Variants in SLC6A17 observed in about 807,000 individuals in gnomAD.
SLC6A17 encodes the protein sodium-dependent neutral amino acid transporter SLC6A17.
A neutral mutation model predicts 64.5 loss-of-function variants in SLC6A17; 21 were observed. That is an observed-to-expected ratio of 0.33 (90% CI 0.23 to 0.47). The LOEUF is 0.47. Among genes scored for constraint, SLC6A17 ranks in the 20% least tolerant of loss-of-function variants. The pLI is 1.00. For synonymous variants in SLC6A17, 372 were observed against 399.5 expected (o/e 0.93, Z 0.82); for missense variants, 682 against 963.2 (o/e 0.71, Z 3.86).
chr1:110,172,109 C>T lies in SLC6A17; in HGVS notation c.336C>T (p.Pro112=), dbSNP rs774646967. Residue 112 remains proline, a synonymous_variant, in exon 3 of 12, where the codon CCC becomes CCT. Transcript: ENST00000331565. The part of the protein sequence containing the change: ...YLVLLIIIGI[P]LFFLELAVGQ... ...TGCTGCTGATCATCATCGGGATCCC[C>T]CTCTTCTTCCTGGAGCTGGCTGTGG... 6.2e-7 allele frequency: 1 copy of T among 1,614,014 alleles called. No individual in the cohort carries two copies. Among genetic ancestry groups the T allele is most frequent in the Non-Finnish European group, 8.5e-7 (1 of 1,180,016 alleles).
intron 2 of SLC6A17, 133 bp downstream of exon 2, chr1:110,167,348 A>G: frequency 1.7e-6 from 2 of 1,150,576 alleles, no homozygotes; most frequent in Non-Finnish European, 2.4e-6. Context: ...AGAGTAAGAC[A>G]GCCCAGGAAT....
In SLC6A17 at chr1:110,192,430, C is replaced by A; in HGVS notation, c.1107-76C>A. 6.5e-7 allele frequency: 1 copy of A among 1,528,778 alleles called. No homozygotes were observed. Among genetic ancestry groups the A allele is most frequent in the Non-Finnish European group, 8.8e-7 (1 of 1,131,294 alleles). 94.7% of individuals were successfully genotyped at this position (1,528,778 alleles called of 1,614,324 possible). Reference sequence around the variant, plus strand: ...ACCCATGAGGTTCCCACCTGGGTGCCTGGGAAGAGCCTCCAGGATCTCACC... The same window carrying A: ...ACCCATGAGGTTCCCACCTGGGTGCATGGGAAGAGCCTCCAGGATCTCACC... On this transcript the variant is annotated intron_variant, in intron 7 of 11. Coordinates refer to ENST00000331565, the MANE Select transcript of SLC6A17 (RefSeq NM_001010898.4). The surrounding 1 kb of genome is among the most constrained non-coding windows in gnomAD (Gnocchi z 4.3).
chr1:110,164,682 C>T (rs549186126), intron 1 of SLC6A17, among the ~76,000 whole-genome samples: 34 of 152,286 alleles, frequency 2.2e-4, no homozygotes, highest in African/African-American at 7.7e-4. Flanking sequence ...TAGCTGATGC[C>T]CTGTGGTTGC....
chr1:110,162,232 A>G (rs1467886550), intron 1 of SLC6A17, among the ~76,000 whole-genome samples: 3 of 152,232 alleles, frequency 2.0e-5, no homozygotes. Flanking sequence ...GGCTGTCACC[A>G]CATCTCTACC....
intron 6 of SLC6A17, among the ~76,000 whole-genome samples, chr1:110,186,550 C>T (rs753602310): frequency 2.0e-5 from 3 of 152,070 alleles, no homozygotes; most frequent in African/African-American, 7.2e-5. Context: ...TAAGATCGTC[C>T]TCTTATTCTA....
intron 4 of SLC6A17, among the ~76,000 whole-genome samples, 192 bp downstream of exon 4, chr1:110,174,291 T>G (rs1398289840): frequency 2.6e-5 from 4 of 152,214 alleles, no homozygotes; most frequent in African/African-American, 7.2e-5. Flanking sequence ...CAGGATTGAA[T>G]AAGACAGTGA....
chr1:110,194,447 T>C (rs1297017432), intron 8 of SLC6A17, 132 bp from the exon 9 acceptor site: 18 of 953,370 alleles, frequency 1.9e-5, no homozygotes, highest in Non-Finnish European at 3.1e-6. Flanking sequence ...ATCAACAGGA[T>C]TTAGGTGGAG....
intron 5 of SLC6A17, among the ~76,000 whole-genome samples, chr1:110,175,526 A>G (rs911185898): frequency 2.6e-5 from 4 of 152,210 alleles, no homozygotes; most frequent in East Asian, 3.8e-4. Flanking sequence ...TACTTGTCAC[A>G]TACCAGTATT....
At chr1:110,189,796 C>T (rs1196510778) in intron 6 of SLC6A17, among the ~76,000 whole-genome samples, 1 of 152,200 alleles carries the variant, frequency 6.6e-6, no homozygotes, top group Non-Finnish European at 1.5e-5. Flanking sequence ...TTCTTCCCTC[C>T]CCTTGTGGCC....
At chr1:110,165,052 A>G (rs919689609) in intron 1 of SLC6A17, among the ~76,000 whole-genome samples, 8 of 152,114 alleles carry the variant, frequency 5.3e-5, no homozygotes, top group Admixed American at 2.0e-4. Context: ...CCCAGATCTC[A>G]TCTTTAGTAA....
At chr1:110,151,660 C>A (rs769904617) in intron 1 of SLC6A17, among the ~76,000 whole-genome samples, 1 of 152,154 alleles carries the variant, frequency 6.6e-6, no homozygotes, top group Non-Finnish European at 1.5e-5. Context: ...TGGAAAGAAG[C>A]GTGATGTTTC....
chr1:110,160,226 C>G (rs1172410480), intron 1 of SLC6A17, among the ~76,000 whole-genome samples: 1 of 152,228 alleles, frequency 6.6e-6, no homozygotes, highest in East Asian at 1.9e-4. Flanking sequence ...CAGGGCTGCA[C>G]TGGATTAGAG....
chr1:110,164,517 T>A (rs1267688400), intron 1 of SLC6A17, among the ~76,000 whole-genome samples: 1 of 152,256 alleles, frequency 6.6e-6, no homozygotes, highest in East Asian at 1.9e-4. Flanking sequence ...GTTCCAGTCA[T>A]GACTGCAGCC....
At chr1:110,167,271 G>A (rs1055826274) in intron 2 of SLC6A17, 56 bp downstream of exon 2, 14 of 1,554,188 alleles carry the variant, frequency 9.0e-6, no homozygotes, top group Non-Finnish European at 1.2e-5. Context: ...CGGGGATGAG[G>A]GGTAAAAAAG....
At chr1:110,174,660 C>A in intron 4 of SLC6A17, 119 bp from the exon 5 acceptor site, 1 of 1,280,394 alleles carries the variant, frequency 7.8e-7, no homozygotes, top group Non-Finnish European at 1.1e-6. Flanking sequence ...CACAGCCCCT[C>A]CCAGCTGCCC....
chr1:110,151,508 T>TGTGGTGCCCATCTGGAG (rs978158308), intron 1 of SLC6A17, among the ~76,000 whole-genome samples: 1 of 152,174 alleles, frequency 6.6e-6, no homozygotes, highest in Non-Finnish European at 1.5e-5. Context: ...GGGACGTGCG[T>TGTGGTGCCCATCTGGAG]GTGGTGCCCA....
At position 110,200,017 on chromosome 1, in the gene SLC6A17, C is replaced by T. The variant is rs1657081866; in HGVS notation, c.*1573C>T. On this transcript the variant is annotated 3_prime_UTR_variant, in exon 12 of 12. Transcript: ENST00000331565. ...GAAAGGAGGGAGAAAGGAGGGAATACTGGCTCCATCTTTGAGAGCTCTGGT... is the reference window on the plus strand; with the variant it reads ...GAAAGGAGGGAGAAAGGAGGGAATATTGGCTCCATCTTTGAGAGCTCTGGT... The T allele has an allele frequency of 1.0e-5, 4 of 398,276 alleles. No individual in the cohort carries two copies. The highest frequency in any genetic ancestry group is 1.8e-5 in the Non-Finnish European group (4 of 226,024). 24.7% of individuals were successfully genotyped at this position (398,276 alleles called of 1,614,324 possible).
At position 110,181,877 on chromosome 1, in the gene SLC6A17, G is replaced by A. The variant is rs528169760; in HGVS notation, c.864+5138G>A. On this transcript the variant is annotated intron_variant, in intron 6 of 11. Coordinates refer to ENST00000331565, the MANE Select transcript of SLC6A17 (RefSeq NM_001010898.4). ...GAATAGGAGGGGAAGGAGGTAGGAC[G>A]TATGGTCGGTAGTAATGTACAGCCG... is the stretch of plus-strand genomic sequence containing the variant. Among the ~76,000 whole-genome samples, 11 of 152,288 alleles carry A rather than the reference G, an allele frequency of 7.2e-5. No homozygotes were observed. The South Asian group carries it at 1.9e-3, about 26-fold the overall frequency.
At chr1:110,174,227 A>C in intron 4 of SLC6A17, 128 bp downstream of exon 4, 1 of 1,315,418 alleles carries the variant, frequency 7.6e-7, no homozygotes, top group Non-Finnish European at 1.0e-6. Flanking sequence ...AACATCTCTG[A>C]TCCTCATTTC....
Sources: gnomAD v4.1 joint callset for allele counts (sites outside exome capture counted in the v4.1 genomes callset) on GRCh38, gnomAD v4.1.1 for gene constraint, Gnocchi (gnomAD v3.1) non-coding constraint, MANE v1.5 for transcripts, NCBI Gene and HGNC (gene_info 2026-07-23, HGNC 2026-07-21) for gene names.